Variants in SHB observed in about 807,000 individuals in gnomAD.
SHB encodes SH2 domain-containing adapter protein B.
A neutral mutation model predicts 52.3 loss-of-function variants in SHB; 20 were observed. That is an observed-to-expected ratio of 0.38 (90% CI 0.27 to 0.56). The LOEUF (loss-of-function observed/expected upper bound fraction) is 0.56. Among genes scored for constraint, SHB ranks in the 20% least tolerant of loss-of-function variants. The pLI, the probability that SHB is intolerant of heterozygous loss-of-function variation, is 0.71. For synonymous variants in SHB, 397 were observed against 316.5 expected (o/e 1.25, Z -2.70); for missense variants, 825 against 723.3 (o/e 1.14, Z -1.61).
chr9:37,932,137 C>T (rs1320380856), intron 5 of SHB, among the ~76,000 whole-genome samples: 2 of 151,728 alleles, frequency 1.3e-5, no homozygotes, highest in Non-Finnish European at 2.9e-5. Context: ...CAAAAATTAG[C>T]CAGGCATGGT....
intron 1 of SHB, among the ~76,000 whole-genome samples, chr9:38,035,328 C>G (rs960895919): frequency 6.6e-6 from 1 of 151,680 alleles, no homozygotes; most frequent in Non-Finnish European, 1.5e-5. Context: ...GACCTCCAAG[C>G]AGAAGCGGGT....
chr9:37,982,976 C>CCCCG lies in SHB; in HGVS notation c.839-8140_839-8139insCGGG, dbSNP rs1554702674. Among the ~76,000 whole-genome samples, 703 of 150,862 alleles carry CCCCG rather than the reference C, an allele frequency of 4.7e-3. 11 individuals carry two copies. The highest frequency in any genetic ancestry group is 0.016 in the African/African-American group (673 of 40,960). Reference sequence around the variant, plus strand: ...GAAATCAGCAGGCCTCTCTGGTGCCCCCCCCTCCATCTTTTCCAGCTGTGC... The same window carrying CCCCG: ...GAAATCAGCAGGCCTCTCTGGTGCCCCCCGCCCCCTCCATCTTTTCCAGCTGTGC... On this transcript the variant is annotated intron_variant, in intron 2 of 5. Coordinates refer to ENST00000377707, the MANE Select transcript of SHB (RefSeq NM_003028.3).
intron 1 of SHB, among the ~76,000 whole-genome samples, chr9:38,028,264 T>C (rs1821369458): frequency 1.3e-5 from 2 of 152,130 alleles, no homozygotes; most frequent in South Asian, 4.1e-4. Context: ...TCAATCAGCC[T>C]GGCAGCTTCA....
At chr9:38,067,782 C>G in intron 1 of SHB, 147 bp downstream of exon 1, 3 of 871,664 alleles carry the variant, frequency 3.4e-6, no homozygotes, top group Non-Finnish European at 4.8e-6. Flanking sequence ...CGGGAGGAGG[C>G]AGAAGCGGGA....
At chr9:38,009,378 G>A (rs139066624) in intron 2 of SHB, among the ~76,000 whole-genome samples, 2 of 152,266 alleles carry the variant, frequency 1.3e-5, no homozygotes, top group African/African-American at 4.8e-5. Context: ...TGTGACCGCA[G>A]AGGCGGGTAA....
intron 5 of SHB, among the ~76,000 whole-genome samples, chr9:37,928,031 T>C (rs971601358): frequency 1.3e-5 from 2 of 152,166 alleles, no homozygotes; most frequent in African/African-American, 4.8e-5. Context: ...TTCTCCACTC[T>C]TCAGCCCTGG....
At chr9:37,994,655 G>A (rs1438842099) in intron 2 of SHB, among the ~76,000 whole-genome samples, 1 of 152,156 alleles carries the variant, frequency 6.6e-6, no homozygotes, top group Non-Finnish European at 1.5e-5. Context: ...ATATAAAAGA[G>A]ACCTGTAACC....
In SHB at chr9:38,068,332, T is replaced by A. The variant is rs777132242; in HGVS notation, c.314A>T (p.Lys105Ile). The change falls in exon 1 of 6, where the codon AAA (lysine) becomes ATA (isoleucine). Residue 105 changes from lysine (K) to isoleucine (I), a missense_variant. Coordinates refer to ENST00000377707, the MANE Select transcript of SHB (RefSeq NM_003028.3). ...PYNGPGSSLR[K>I]LRAMCRLDYC... ...GTCCAGGCGGCACATGGCGCGCAGTTTGCGCAGCGACGAGCCAGGCCCGTT... is the reference window on the plus strand; with the variant it reads ...GTCCAGGCGGCACATGGCGCGCAGTATGCGCAGCGACGAGCCAGGCCCGTT... 1 of 1,542,040 alleles carries A rather than the reference T, an allele frequency of 6.5e-7. No homozygotes were observed. The highest frequency in any genetic ancestry group is 1.4e-5 in the African/African-American group (1 of 69,956).
intron 4 of SHB, among the ~76,000 whole-genome samples, chr9:37,950,930 G>A (rs1298495706): frequency 6.6e-6 from 1 of 152,216 alleles, no homozygotes. Context: ...CCAGGTGCAA[G>A]TGGGGATGCT....
intron 5 of SHB, among the ~76,000 whole-genome samples, chr9:37,929,699 C>T (rs920134092): frequency 1.2e-4 from 19 of 152,306 alleles, no homozygotes; most frequent in African/African-American, 4.1e-4. Flanking sequence ...GCTCTGTGGC[C>T]GGATGACACG....
At chr9:37,992,230 G>A (rs1000603924) in intron 2 of SHB, among the ~76,000 whole-genome samples, 9 of 151,992 alleles carry the variant, frequency 5.9e-5, no homozygotes, top group African/African-American at 9.6e-5. Context: ...GTGAAACCCC[G>A]TCTCTACTAA....
chr9:37,931,876 G>A (rs1257772878), intron 5 of SHB, among the ~76,000 whole-genome samples: 1 of 152,200 alleles, frequency 6.6e-6, no homozygotes, highest in Admixed American at 6.5e-5. Context: ...AGAAACTGTG[G>A]TGTATGTATG....
intron 4 of SHB, among the ~76,000 whole-genome samples, chr9:37,954,939 A>T (rs984121647): frequency 1.3e-5 from 2 of 152,110 alleles, no homozygotes; most frequent in Non-Finnish European, 2.9e-5. Context: ...GCTGGGGGGC[A>T]GCAAGAACGG....
intron 2 of SHB, among the ~76,000 whole-genome samples, chr9:37,986,362 T>C (rs1270801230): frequency 1.3e-5 from 2 of 151,532 alleles, no homozygotes; most frequent in African/African-American, 4.9e-5. Context: ...TTAAGCCTAA[T>C]GCTCATGAGG....
chr9:38,003,948 G>A (rs1821049082), intron 2 of SHB, among the ~76,000 whole-genome samples: 1 of 152,154 alleles, frequency 6.6e-6, no homozygotes, highest in Non-Finnish European at 1.5e-5. Flanking sequence ...CCAGGCCTCT[G>A]CTTCTGTTAC....
chr9:38,062,886 T>A (rs1821912249), intron 1 of SHB, among the ~76,000 whole-genome samples: 8 of 152,206 alleles, frequency 5.3e-5, no homozygotes, highest in Admixed American at 2.6e-4. Flanking sequence ...CAAGCTACAG[T>A]GGCAGAGCTG....
Position 38,068,277 on chromosome 9 carries a change from C to A in SHB, c.369G>T (p.Gly123=). ...DYCGGSGEPG[G]VQRAFSASSA... ...ACGAGGCCGAGAAGGCGCGCTGGAC[C>A]CCGCCTGGCTCCCCGCTGCCGCCGC... The change falls in exon 1 of 6, where the codon GGG becomes GGT. Residue 123 remains glycine, a synonymous_variant. Transcript: ENST00000377707. The A allele has an allele frequency of 2.0e-6, 3 of 1,470,086 alleles. No homozygotes were observed. The highest frequency in any genetic ancestry group is 2.7e-6 in the Non-Finnish European group (3 of 1,117,678). 91.1% of individuals were successfully genotyped at this position (1,470,086 alleles called of 1,614,324 possible).
rs576741179 is a variant in SHB at position 37,923,995 on chromosome 9, G to A, written c.1347-3991C>T. On this transcript the variant is annotated intron_variant, in intron 5 of 5. Transcript: ENST00000377707. ...CGGCACCGTCATCAGCACCATCGTC[G>A]TTCAGGGAGGGCATTGCCCCCGGGG... is the stretch of plus-strand genomic sequence containing the variant. Among the ~76,000 whole-genome samples the A allele has an allele frequency of 1.4e-4, 21 of 152,350 alleles. No homozygotes were observed. The South Asian group carries it at 3.7e-3, about 27-fold the overall frequency.
chr9:38,053,833 A>G (rs1346511380), intron 1 of SHB, among the ~76,000 whole-genome samples: 1 of 152,222 alleles, frequency 6.6e-6, no homozygotes, highest in East Asian at 1.9e-4. Flanking sequence ...AATGCTAGGC[A>G]TTGTGCTCAG....
Sources: allele counts gnomAD v4.1 joint callset (sites outside exome capture counted in the v4.1 genomes callset), GRCh38; gene constraint gnomAD v4.1.1; transcripts MANE v1.5; gene names NCBI Gene and HGNC (gene_info 2026-07-23, HGNC 2026-07-21).